UBR3: variants seen among roughly 807,000 people sequenced by gnomAD.
UBR3 encodes E3 ubiquitin-protein ligase UBR3.
A neutral mutation model predicts 243.2 loss-of-function variants in UBR3; 85 were observed. That is an observed-to-expected ratio of 0.35 (90% CI 0.29 to 0.42). UBR3 has a LOEUF of 0.42. Among genes scored for constraint, UBR3 ranks in the 10% least tolerant of loss-of-function variants. The pLI is 1.00. For missense variants in UBR3, 1,686 were observed against 2,300.8 expected (o/e 0.73, Z 5.47); for synonymous variants, 748 against 799.8 (o/e 0.94, Z 1.09).
At chr2:169,835,261 T>A (rs10167374) in intron 1 of UBR3, among the ~76,000 whole-genome samples, 149,069 of 152,146 alleles carry the variant, frequency 0.98, 73,083 homozygotes, top group East Asian at 1. Context: ...CGAGGCTGAG[T>A]TGGGAGTATT....
chr2:170,057,420 A>G (rs1275310767), intron 33 of UBR3, among the ~76,000 whole-genome samples: 3 of 152,122 alleles, frequency 2.0e-5, no homozygotes, highest in East Asian at 3.9e-4. Flanking sequence ...TGCCTGGCCT[A>G]TTTTTCCTAA....
At chr2:169,991,864 G>A (rs1304008647) in intron 25 of UBR3, among the ~76,000 whole-genome samples, 3 of 152,114 alleles carry the variant, frequency 2.0e-5, no homozygotes, top group Non-Finnish European at 4.4e-5. Context: ...TTACAGGTGT[G>A]AGCCACCGTG....
At chr2:170,042,853 G>A (rs1029900684) in intron 32 of UBR3, among the ~76,000 whole-genome samples, 2 of 151,660 alleles carry the variant, frequency 1.3e-5, no homozygotes, top group Non-Finnish European at 2.9e-5. Context: ...ACTTTTTTGG[G>A]GGGTTAGACT....
chr2:170,069,880 G>A (rs1218361930), intron 35 of UBR3, among the ~76,000 whole-genome samples: 6 of 151,828 alleles, frequency 4.0e-5, no homozygotes, highest in African/African-American at 1.5e-4. Flanking sequence ...TGTAGTATTT[G>A]CTTATAACAT....
chr2:169,891,076 A>T (rs1484211484), intron 5 of UBR3, 89 bp from the exon 6 acceptor site: 12 of 825,240 alleles, frequency 1.5e-5, no homozygotes, highest in South Asian at 9.0e-5. Flanking sequence ...TGCATATATT[A>T]TGTGTTTAAT....
intron 24 of UBR3, among the ~76,000 whole-genome samples, chr2:169,958,790 CT>C (rs1376769169): frequency 9.9e-5 from 15 of 152,110 alleles, no homozygotes; most frequent in Non-Finnish European, 2.1e-4. Flanking sequence ...GTTAAACGGT[CT>C]TTAGATTTGT....
intron 34 of UBR3, 33 bp from the exon 35 acceptor site, chr2:170,061,285 C>T (rs566826114): frequency 6.2e-7 from 1 of 1,606,650 alleles, no homozygotes; most frequent in Admixed American, 1.7e-5. Context: ...TTATTGTAGA[C>T]TGACTTGTTC....
intron 30 of UBR3, among the ~76,000 whole-genome samples, chr2:170,024,089 CTTGCATGTTTAG>C (rs2090462923): frequency 6.6e-6 from 1 of 152,072 alleles, no homozygotes; most frequent in African/African-American, 2.4e-5. Context: ...TTTTAGATTT[CTTGCATGTTTAG>C]AAATAACTGA....
intron 11 of UBR3, among the ~76,000 whole-genome samples, chr2:169,919,237 C>T (rs1308147242): frequency 6.6e-6 from 1 of 152,048 alleles, no homozygotes; most frequent in East Asian, 1.9e-4. Context: ...AGGCTAAAAC[C>T]ATAGGGAGTC....
At chr2:169,927,028 C>G in intron 16 of UBR3, 57 bp downstream of exon 16, 2 of 1,521,214 alleles carry the variant, frequency 1.3e-6, no homozygotes, top group East Asian at 4.9e-5. Context: ...CTTTCTCCCC[C>G]TCCCTGTGGT....
At chr2:169,994,548 C>G in intron 26 of UBR3, 92 bp downstream of exon 26, 1 of 1,409,728 alleles carries the variant, frequency 7.1e-7, no homozygotes, top group East Asian at 2.3e-5. Context: ...AAATGGCATT[C>G]TGATGTTAAA....
At chr2:170,016,690 C>A in intron 30 of UBR3, 1 of 169,264 alleles carries the variant, frequency 5.9e-6, no homozygotes, top group Non-Finnish European at 1.4e-5. Flanking sequence ...TTATTTTTTT[C>A]TCTGAGGCAC....
At chr2:170,042,571 C>T (rs2090993990) in intron 32 of UBR3, among the ~76,000 whole-genome samples, 1 of 151,570 alleles carries the variant, frequency 6.6e-6, no homozygotes, top group African/African-American at 2.4e-5. Flanking sequence ...CACCTGTAAC[C>T]CCAGCTACTT....
chr2:169,841,346 G>A (rs746836978), intron 1 of UBR3, among the ~76,000 whole-genome samples: 9 of 152,098 alleles, frequency 5.9e-5, no homozygotes, highest in Non-Finnish European at 1.3e-4. Flanking sequence ...TCACAAGGTG[G>A]TAGTGAGAGG....
In UBR3 at chr2:169,855,342, TTTTTAA is replaced by T. The variant is rs1402281136; in HGVS notation, c.546-16889_546-16884del. ...TATCCATTACTTTTTATTTTTTAAT[TTTTTAA>T]TTTTTATTTTTTTTAGTATTTATTG... is the stretch of plus-strand genomic sequence containing the variant. On this transcript the variant is annotated intron_variant, in intron 1 of 38. Coordinates refer to ENST00000272793, the MANE Select transcript of UBR3 (RefSeq NM_172070.4). Among the ~76,000 whole-genome samples the T allele has an allele frequency of 2.0e-5, 3 of 152,310 alleles. No individual in the cohort carries two copies. The East Asian group carries it at 5.8e-4, about 29-fold the overall frequency.
At position 169,949,717 on chromosome 2, in the gene UBR3, C is replaced by G; in HGVS notation, c.3197C>G (p.Ser1066Ter). The change falls in exon 23 of 39, where the codon TCA (serine) becomes TGA (stop). Residue 1066 changes from serine (S) to a stop codon, truncating the protein, a stop_gained. Coordinates refer to ENST00000272793, the MANE Select transcript of UBR3 (RefSeq NM_172070.4). LOFTEE classifies it high-confidence loss of function. ...AATCAGGTGGTTCGTCCCAAAACTT[C>G]AAGTAAATGGTCTGCTCCTGGTTCA... is the stretch of plus-strand genomic sequence containing the variant. ...EANQVVRPKT[S>*]SKWSAPGSAP... The G allele has an allele frequency of 6.4e-7, 1 of 1,551,630 alleles. No individual in the cohort carries two copies. Among genetic ancestry groups the G allele is most frequent in the Non-Finnish European group, 8.7e-7 (1 of 1,146,760 alleles).
At chr2:169,939,224 A>G (rs1459981746) in intron 19 of UBR3, among the ~76,000 whole-genome samples, 3 of 147,904 alleles carry the variant, frequency 2.0e-5, no homozygotes, top group Admixed American at 1.3e-4. Flanking sequence ...CCCATTTTCT[A>G]TTTCATTCTT....
chr2:170,042,105 A>G (rs1470778458), intron 32 of UBR3, among the ~76,000 whole-genome samples: 2 of 152,182 alleles, frequency 1.3e-5, no homozygotes, highest in African/African-American at 4.8e-5. Context: ...CTCTGTGCCT[A>G]TTAAGCAGTC....
intron 33 of UBR3, among the ~76,000 whole-genome samples, chr2:170,059,185 A>G (rs1304978831): frequency 2.6e-5 from 4 of 151,948 alleles, no homozygotes; most frequent in South Asian, 4.1e-4. Context: ...AATACAAAGC[A>G]GTGAACATTA....
Sources: allele counts gnomAD v4.1 joint callset (sites outside exome capture counted in the v4.1 genomes callset), GRCh38; gene constraint gnomAD v4.1.1; transcripts MANE v1.5; gene names NCBI Gene and HGNC (gene_info 2026-07-23, HGNC 2026-07-21).